SEPTIN6: variants seen among roughly 807,000 people sequenced by gnomAD.
SEPTIN6 encodes septin-6.
Under a neutral mutation model 33.6 loss-of-function variants are expected in SEPTIN6, and 8 were observed. That is an observed-to-expected ratio of 0.24 (90% CI 0.14 to 0.43). The LOEUF is 0.43. Ranked by LOEUF, SEPTIN6 falls within the 20% of genes least tolerant of loss-of-function variation. The pLI, the probability that SEPTIN6 is intolerant of heterozygous loss-of-function variation, is 1.00. For missense variants in SEPTIN6, 250 were observed against 340.8 expected (o/e 0.73, Z 2.10); for synonymous variants, 131 against 140.0 (o/e 0.94, Z 0.45).
chrX:119,651,948 G>A (rs1429107573), intron 4 of SEPTIN6, among the ~76,000 whole-genome samples: 3 of 112,000 alleles, frequency 2.7e-5, no homozygotes, highest in Non-Finnish European at 3.8e-5. Flanking sequence ...TTTTTGATAC[G>A]GAGTCTGGCT....
intron 2 of SEPTIN6, among the ~76,000 whole-genome samples, chrX:119,665,572 GGGAGATCAA>G (rs1478169111): frequency 6.3e-5 from 7 of 111,628 alleles, no homozygotes; most frequent in African/African-American, 2.0e-4. Flanking sequence ...GCTTATTCCT[GGGAGATCAA>G]GGGATACCAA....
chrX:119,654,355 C>T (rs1279148920), intron 3 of SEPTIN6, among the ~76,000 whole-genome samples: 3 of 111,605 alleles, frequency 2.7e-5, no homozygotes, highest in Non-Finnish European at 5.7e-5. Flanking sequence ...ACTAGGTCAG[C>T]TTAGCTCAGC....
intron 5 of SEPTIN6, among the ~76,000 whole-genome samples, chrX:119,645,950 C>T (rs968486780): frequency 8.9e-5 from 10 of 112,383 alleles, no homozygotes; most frequent in Non-Finnish European, 1.7e-4. Flanking sequence ...TTGTAAAGTA[C>T]TTAATAATCC....
chrX:119,645,236 C>CTTTTTTTT (rs757199588), intron 5 of SEPTIN6, among the ~76,000 whole-genome samples: 1 of 71,170 alleles, frequency 1.4e-5, no homozygotes, highest in Non-Finnish European at 2.5e-5. Context: ...AAGGCCCTAC[C>CTTTTTTTT]TTTTTTTTTT....
chrX:119,625,536 C>A, intron 9 of SEPTIN6, 157 bp from the exon 10 acceptor site: 3 of 429,606 alleles, frequency 7.0e-6, no homozygotes, highest in Non-Finnish European at 8.2e-6. Context: ...CCCTGAAACA[C>A]TGATACTCTT....
intron 10 of SEPTIN6, among the ~76,000 whole-genome samples, chrX:119,621,202 G>T (rs2053754454): frequency 9.1e-6 from 1 of 109,789 alleles, no homozygotes; most frequent in Non-Finnish European, 1.9e-5. Flanking sequence ...CAGAGCATAT[G>T]GGGATGATTG....
chrX:119,618,792 AAGG>A lies in SEPTIN6; in HGVS notation c.*1298_*1300del. 1 of 1,210,371 alleles carries A rather than the reference AAGG, an allele frequency of 8.3e-7. No individual in the cohort carries two copies. The stretch of plus-strand genomic sequence containing the variant: ...CAGTACACAGCCATGGATTACTGCA[AAGG>A]AAGGGCAGAGAGACGGCATGTTAGC... On this transcript the variant is annotated 3_prime_UTR_variant, in exon 11 of 11. Transcript: ENST00000394610.
chrX:119,617,198 T>C lies in SEPTIN6; in HGVS notation c.*2895A>G, dbSNP rs1333470342. 5 of 811,687 alleles carry C rather than the reference T, an allele frequency of 6.2e-6. No individual in the cohort carries two copies. In the African/African-American group the frequency reaches 1.1e-4, roughly 18 times the overall value. 66.9% of individuals were successfully genotyped at this position (811,687 alleles called of 1,213,427 possible). A position where few individuals can be genotyped will look rare whatever the true frequency, so the allele number is the denominator to read the frequency against. On this transcript the variant is annotated 3_prime_UTR_variant, in exon 11 of 11. Transcript: ENST00000394610. ...GGAAAATAAAAGCACAGACCATTTC[T>C]AATGACTGGTTTTGTTTCACCAGAA...
chrX:119,677,954 T>C (rs774448206), intron 1 of SEPTIN6, among the ~76,000 whole-genome samples: 1 of 112,961 alleles, frequency 8.9e-6, no homozygotes, highest in Non-Finnish European at 1.9e-5. Flanking sequence ...CACCTGAGGC[T>C]GGGTGCAGTG....
intron 7 of SEPTIN6, among the ~76,000 whole-genome samples, chrX:119,635,569 G>C (rs1198833550): frequency 1.8e-5 from 2 of 111,735 alleles, no homozygotes; most frequent in African/African-American, 3.3e-5. Flanking sequence ...CAAAGGCAGA[G>C]AGCATTTCAA....
chrX:119,623,259 A>T (rs1205852940), intron 10 of SEPTIN6, among the ~76,000 whole-genome samples: 5 of 112,295 alleles, frequency 4.5e-5, no homozygotes, highest in Non-Finnish European at 9.4e-5. Context: ...GATGTTTCAA[A>T]CACTGACTAG....
Position 119,663,566 on chromosome X carries a change from T to C in SEPTIN6, c.257A>G (p.Tyr86Cys), listed in dbSNP as rs776465187. The C allele has an allele frequency of 1.5e-5, 18 of 1,205,843 alleles. No individual in the cohort carries two copies. In the South Asian group the frequency reaches 2.5e-4, roughly 17 times the overall value. ...CCTCACGTTGCTCTCTTGGAGGTCA[T>C]AGGTATTAGACTGGAGCTGGACACC... ...QPGVQLQSNT[Y>C]DLQESNVRLK... is the part of the protein sequence containing the mutation. Residue 86 changes from tyrosine (Y) to cysteine (C), a missense_variant, in exon 3 of 11, where the codon TAT (tyrosine) becomes TGT (cysteine). By Grantham distance (194) the Tyr-to-Cys change is radical. Around this residue, in one of 2 missense-constraint regions of SEPTIN6, gnomAD observed 111 missense variants for 113.8 expected, o/e 0.98. Transcript: ENST00000394610.
chrX:119,658,552 C>T (rs2054490571), intron 3 of SEPTIN6, among the ~76,000 whole-genome samples: 1 of 112,083 alleles, frequency 8.9e-6, no homozygotes, highest in East Asian at 2.8e-4. Flanking sequence ...AGGCTGTATA[C>T]TTAAAAGGTG....
intron 1 of SEPTIN6, 59 bp from the exon 2 acceptor site, chrX:119,675,727 G>A: frequency 3.0e-6 from 2 of 670,046 alleles, no homozygotes; most frequent in East Asian, 4.3e-5. Flanking sequence ...TCTGGGTCTC[G>A]CTTCTCCATC....
intron 2 of SEPTIN6, among the ~76,000 whole-genome samples, chrX:119,666,607 C>T (rs1318588938): frequency 1.8e-5 from 2 of 111,213 alleles, no homozygotes; most frequent in Admixed American, 9.6e-5. Flanking sequence ...GGCTACCCGG[C>T]CCCCCAGCCC....
At chrX:119,687,329 C>T (rs1237909615) in intron 1 of SEPTIN6, among the ~76,000 whole-genome samples, 1 of 107,065 alleles carries the variant, frequency 9.3e-6, no homozygotes, top group African/African-American at 3.4e-5. Context: ...CGGCTCACTG[C>T]AAGCTCCGCC....
In SEPTIN6 at chrX:119,637,106, G is replaced by A. The variant is rs781286262; in HGVS notation, c.877C>T (p.Arg293Trp). The A allele has an allele frequency of 9.9e-6, 12 of 1,209,345 alleles. No homozygotes were observed. The highest frequency in any genetic ancestry group is 5.9e-5 in the East Asian group (2 of 33,733). Residue 293 changes from arginine to tryptophan, a missense_variant, in exon 7 of 11, where the codon CGG becomes TGG. Arg to Trp is a moderately radical substitution (Grantham distance 101, BLOSUM62 -3). Around this residue, in one of 2 missense-constraint regions of SEPTIN6, gnomAD observed 139 missense variants for 227.0 expected, o/e 0.61. Coordinates refer to ENST00000394610, the MANE Select transcript of SEPTIN6 (RefSeq NM_145799.4). ...CAGCGGCGATACAGCTCATAGTGCCGGGTGTGGGTCTGCTCCCGCAGATCC... is the reference window on the plus strand; with the variant it reads ...CAGCGGCGATACAGCTCATAGTGCCAGGTGTGGGTCTGCTCCCGCAGATCC... ...MEDLREQTHT[R>W]HYELYRRCKL...
intron 7 of SEPTIN6, chrX:119,635,252 C>T (rs2054043678): frequency 7.8e-6 from 2 of 255,665 alleles, no homozygotes; most frequent in Admixed American, 3.9e-5. Context: ...GCTTGATTTT[C>T]GGGGAGGTCC....
intron 10 of SEPTIN6, among the ~76,000 whole-genome samples, chrX:119,623,340 T>A (rs2053799782): frequency 1.8e-5 from 2 of 111,960 alleles, no homozygotes; most frequent in South Asian, 7.4e-4. Flanking sequence ...TATGTTTTTT[T>A]AAAGAATCAT....
Sources: gnomAD v4.1 joint callset for allele counts (sites outside exome capture counted in the v4.1 genomes callset) on GRCh38, gnomAD v4.1.1 for gene constraint, gnomAD v4.1.1 regional missense constraint, MANE v1.5 for transcripts, NCBI Gene and HGNC (gene_info 2026-07-23, HGNC 2026-07-21) for gene names.